Variants in NXPE2 observed in about 807,000 individuals in gnomAD.
NXPE2 encodes neurexophilin and PC-esterase domain family member 2.
NXPE2 carries 34 observed loss-of-function variants against 34.4 expected under a neutral mutation model. The ratio of observed to expected loss-of-function variants is 0.99; its 90% CI spans 0.75 to 1.31. The LOEUF (loss-of-function observed/expected upper bound fraction) is 1.31, where lower values mean the gene tolerates loss of function less well. Ranked by LOEUF, NXPE2 falls within the 40% of genes most tolerant of loss-of-function variation. NXPE2 has a pLI of 0.00. For missense variants in NXPE2, 649 were observed against 672.5 expected (o/e 0.97, Z 0.39); for synonymous variants, 235 against 231.3 (o/e 1.02, Z -0.15).
the NXPE2 span, among the ~76,000 whole-genome samples, chr11:114,509,383 C>T: frequency 3.9e-5 from 6 of 152,148 alleles, no homozygotes; most frequent in African/African-American, 1.2e-4. Flanking sequence ...AAGACCTAAA[C>T]ATAGAAATAC....
At chr11:114,536,139 C>T in the NXPE2 span, among the ~76,000 whole-genome samples, 13 of 152,170 alleles carry the variant, frequency 8.5e-5, no homozygotes, top group African/African-American at 1.9e-4. Context: ...CACTCAAAAC[C>T]CCTCAACTAC....
chr11:114,514,067 T>C, the NXPE2 span, among the ~76,000 whole-genome samples: 17 of 152,236 alleles, frequency 1.1e-4, no homozygotes, highest in Admixed American at 3.3e-4. Flanking sequence ...TATGTATGTG[T>C]ACATGCATAT....
the NXPE2 span, among the ~76,000 whole-genome samples, chr11:114,589,944 G>C: frequency 6.6e-6 from 1 of 152,156 alleles, no homozygotes; most frequent in Non-Finnish European, 1.5e-5. Context: ...TAATCCAAAT[G>C]CCTGAGGGAA....
At chr11:114,537,380 A>G in the NXPE2 span, among the ~76,000 whole-genome samples, 1 of 152,202 alleles carries the variant, frequency 6.6e-6, no homozygotes, top group South Asian at 2.1e-4. Context: ...CAAGACAGGG[A>G]TGCCCTCTAT....
the NXPE2 span, among the ~76,000 whole-genome samples, chr11:114,650,403 T>C: frequency 6.6e-6 from 1 of 152,238 alleles, no homozygotes; most frequent in Non-Finnish European, 1.5e-5. Flanking sequence ...CTGCTATTTA[T>C]GAGAAAGACT....
the NXPE2 span, among the ~76,000 whole-genome samples, chr11:114,812,574 C>A: frequency 5.3e-5 from 8 of 152,098 alleles, no homozygotes; most frequent in Non-Finnish European, 2.9e-5. Flanking sequence ...TGGAATCATG[C>A]CAGCTTTTGA....
chr11:114,682,722 G>A (rs891352934), intron 2 of NXPE2, among the ~76,000 whole-genome samples: 5 of 152,092 alleles, frequency 3.3e-5, no homozygotes, highest in African/African-American at 1.2e-4. Context: ...TGTTAGTCCA[G>A]TTACCAAAAG....
At chr11:114,637,292 A>T in the NXPE2 span, among the ~76,000 whole-genome samples, 2 of 151,160 alleles carry the variant, frequency 1.3e-5, no homozygotes, top group South Asian at 4.2e-4. Context: ...CAATCCCTGC[A>T]TTTTTTTGTT....
At chr11:114,729,743 A>G in the NXPE2 span, among the ~76,000 whole-genome samples, 2 of 152,100 alleles carry the variant, frequency 1.3e-5, no homozygotes, top group African/African-American at 4.8e-5. Context: ...CCGACTTTTA[A>G]TGAGGTTTTA....
chr11:114,638,197 G>A, the NXPE2 span, among the ~76,000 whole-genome samples: 7,437 of 151,372 alleles, frequency 0.049, 618 homozygotes, highest in African/African-American at 0.17. Flanking sequence ...TTCCCTTCTC[G>A]CTTCATTTCA....
the NXPE2 span, among the ~76,000 whole-genome samples, chr11:114,596,143 C>T: frequency 6.6e-5 from 10 of 152,260 alleles, no homozygotes; most frequent in South Asian, 2.1e-4. Context: ...GATTCAAGTG[C>T]GTATTATCTC....
At chr11:114,800,304 T>G in the NXPE2 span, among the ~76,000 whole-genome samples, 88 of 152,366 alleles carry the variant, frequency 5.8e-4, no homozygotes, top group African/African-American at 1.7e-3. Flanking sequence ...GATATAATTT[T>G]TCTTACTCAA....
At chr11:114,727,897 T>C in the NXPE2 span, among the ~76,000 whole-genome samples, 1 of 151,798 alleles carries the variant, frequency 6.6e-6, no homozygotes, top group South Asian at 2.1e-4. Flanking sequence ...TTACCACAAA[T>C]TAATGGCTCA....
the NXPE2 span, among the ~76,000 whole-genome samples, chr11:114,750,295 C>T: frequency 6.6e-6 from 1 of 152,222 alleles, no homozygotes; most frequent in Non-Finnish European, 1.5e-5. Context: ...AGTTCTCTTG[C>T]TCCAGGCTGT....
At chr11:114,693,680 CA>C (rs1268783235) in intron 2 of NXPE2, among the ~76,000 whole-genome samples, 2 of 152,070 alleles carry the variant, frequency 1.3e-5, no homozygotes, top group East Asian at 3.8e-4. Context: ...CCCAGAATCT[CA>C]CAGCATAATA....
At chr11:114,785,935 A>G in the NXPE2 span, among the ~76,000 whole-genome samples, 1 of 152,218 alleles carries the variant, frequency 6.6e-6, no homozygotes, top group Non-Finnish European at 1.5e-5. Flanking sequence ...CTAATCACTC[A>G]GAGACACTGG....
chr11:114,568,306 C>CT, the NXPE2 span, among the ~76,000 whole-genome samples: 1 of 151,874 alleles, frequency 6.6e-6, no homozygotes, highest in Non-Finnish European at 1.5e-5. Flanking sequence ...TCTTCAATAC[C>CT]TTTTATCCTT....
the NXPE2 span, among the ~76,000 whole-genome samples, chr11:114,625,947 C>A: frequency 1.3e-5 from 2 of 152,270 alleles, no homozygotes; most frequent in East Asian, 3.9e-4. Flanking sequence ...CACTCCCACC[C>A]GAATACTGCA....
the NXPE2 span, among the ~76,000 whole-genome samples, chr11:114,563,596 A>G: frequency 6.6e-6 from 1 of 152,210 alleles, no homozygotes; most frequent in African/African-American, 2.4e-5. Context: ...AATATCCAGA[A>G]TCTACAAGGA....
Sources: allele counts gnomAD v4.1 joint callset (sites outside exome capture counted in the v4.1 genomes callset), GRCh38; gene constraint gnomAD v4.1.1; transcripts MANE v1.5; gene names NCBI Gene and HGNC (gene_info 2026-07-23, HGNC 2026-07-21).